Variants in VPS41 observed in about 807,000 individuals in gnomAD.
The protein encoded by VPS41 is vacuolar protein sorting-associated protein 41 homolog.
VPS41 carries 85 observed loss-of-function variants against 130.9 expected under a neutral mutation model. The ratio of observed to expected loss-of-function variants is 0.65; its 90% CI spans 0.55 to 0.78. The LOEUF is 0.78. Among genes scored for constraint, VPS41 ranks in the 30% least tolerant of loss-of-function variants. The pLI is 0.00. For missense variants in VPS41, 874 were observed against 1,018.7 expected (o/e 0.86, Z 1.93); for synonymous variants, 335 against 332.9 (o/e 1.01, Z -0.07).
chr7:38,834,207 G>C (rs928313199), intron 4 of VPS41, among the ~76,000 whole-genome samples: 1 of 152,040 alleles, frequency 6.6e-6, no homozygotes, highest in East Asian at 1.9e-4. Context: ...TTAATGGTAA[G>C]ATGTTGAGAG....
intron 18 of VPS41, 113 bp downstream of exon 18, chr7:38,758,241 G>T: frequency 1.0e-6 from 1 of 973,204 alleles, no homozygotes; most frequent in Non-Finnish European, 1.5e-6. Flanking sequence ...AAGAAGGAAT[G>T]TAGGAAAATG....
intron 2 of VPS41, among the ~76,000 whole-genome samples, chr7:38,894,149 T>C (rs1786928103): frequency 6.6e-6 from 1 of 152,060 alleles, no homozygotes; most frequent in Non-Finnish European, 1.5e-5. Context: ...AGTTTAACAG[T>C]TACAAAACAC....
At chr7:38,739,622 A>G (rs1795843972) in intron 25 of VPS41, among the ~76,000 whole-genome samples, 1 of 152,198 alleles carries the variant, frequency 6.6e-6, no homozygotes, top group African/African-American at 2.4e-5. Context: ...CTGCCCCCGG[A>G]GAGCATTTTC....
At chr7:38,770,072 CCAG>C (rs1367038227) in intron 14 of VPS41, among the ~76,000 whole-genome samples, 1 of 152,100 alleles carries the variant, frequency 6.6e-6, no homozygotes, top group African/African-American at 2.4e-5. Context: ...GAGTTCAAGA[CCAG>C]CCTGACCAAC....
At chr7:38,809,695 A>G (rs1052712296) in intron 7 of VPS41, among the ~76,000 whole-genome samples, 96 of 152,152 alleles carry the variant, frequency 6.3e-4, no homozygotes, top group African/African-American at 2.3e-3. Flanking sequence ...TTTCCAGCTT[A>G]CAAAGCAACT....
intron 7 of VPS41, among the ~76,000 whole-genome samples, chr7:38,802,482 T>C (rs973819629): frequency 9.2e-5 from 14 of 152,210 alleles, no homozygotes; most frequent in Non-Finnish European, 2.9e-5. Context: ...GAAACTCTCA[T>C]GCAGGATTTG....
intron 1 of VPS41, 117 bp from the exon 2 acceptor site, chr7:38,898,246 C>A: frequency 1.2e-6 from 1 of 800,164 alleles, no homozygotes. Flanking sequence ...GGAAGAGAAT[C>A]TACAACTATA....
chr7:38,795,322 G>A (rs1002725245), intron 9 of VPS41, 143 bp downstream of exon 9: 7 of 549,252 alleles, frequency 1.3e-5, no homozygotes, highest in Non-Finnish European at 2.1e-5. Context: ...GAAATAATTT[G>A]AGCATTAAAT....
chr7:38,777,512 CTATAAAA>C (rs1784281784), intron 10 of VPS41, among the ~76,000 whole-genome samples: 1 of 152,172 alleles, frequency 6.6e-6, no homozygotes, highest in African/African-American at 2.4e-5. Flanking sequence ...TTATTAGCTG[CTATAAAA>C]TATAAAAGAT....
chr7:38,803,792 A>G (rs942647956), intron 7 of VPS41, among the ~76,000 whole-genome samples: 15 of 152,204 alleles, frequency 9.9e-5, no homozygotes, highest in Non-Finnish European at 2.9e-5. Context: ...GGAGGCAGGA[A>G]TGAATGACCA....
intron 4 of VPS41, among the ~76,000 whole-genome samples, chr7:38,838,433 A>G (rs1278982485): frequency 1.3e-5 from 2 of 152,226 alleles, no homozygotes; most frequent in Non-Finnish European, 2.9e-5. Context: ...ACTGGCATAA[A>G]TGTGGGAAAG....
intron 4 of VPS41, among the ~76,000 whole-genome samples, chr7:38,858,430 T>C (rs1265602145): frequency 6.6e-6 from 1 of 152,126 alleles, no homozygotes; most frequent in African/African-American, 2.4e-5. Flanking sequence ...AAGAAGAGAA[T>C]ATAATGAGGC....
Position 38,769,773 on chromosome 7 carries a change from T to C in VPS41, c.1185+1425A>G, listed in dbSNP as rs574260139. On this transcript the variant is annotated intron_variant, in intron 14 of 28. Coordinates refer to ENST00000310301, the MANE Select transcript of VPS41 (RefSeq NM_014396.4). ...TCCTATTGATTCTGTGTAAGTCTCATGACCTTCCACCTGGATTAGGAAGCC... is the reference window on the plus strand; with the variant it reads ...TCCTATTGATTCTGTGTAAGTCTCACGACCTTCCACCTGGATTAGGAAGCC... Among the ~76,000 whole-genome samples the C allele has an allele frequency of 1.1e-4, 17 of 152,348 alleles. No homozygotes were observed. The South Asian group carries it at 3.3e-3, about 30-fold the overall frequency.
At chr7:38,843,238 A>G (rs1785648632) in intron 4 of VPS41, among the ~76,000 whole-genome samples, 1 of 152,186 alleles carries the variant, frequency 6.6e-6, no homozygotes, top group Non-Finnish European at 1.5e-5. Flanking sequence ...ACTCAACTGA[A>G]AAGATTTGAT....
At position 38,772,642 on chromosome 7, in the gene VPS41, A is replaced by G. The variant is rs568642202; in HGVS notation, c.1013-5T>C. On this transcript the variant is annotated splice_region_variant and splice_polypyrimidine_tract_variant and intron_variant, in intron 12 of 28. Transcript: ENST00000310301. ...GTGATTCCCCTTCAGAGTATTCTGT[A>G]GGTGAGAAAAGAGAGGAACGACTTG... The G allele has an allele frequency of 1.4e-4, 216 of 1,595,238 alleles. 2 individuals are homozygous for G. The South Asian group carries it at 2.2e-3, about 17-fold the overall frequency.
At chr7:38,757,693 G>T (rs1390741199) in intron 18 of VPS41, among the ~76,000 whole-genome samples, 2 of 152,118 alleles carry the variant, frequency 1.3e-5, no homozygotes, top group African/African-American at 4.8e-5. Context: ...AAAAAACAAG[G>T]GAGAGGAGTG....
At chr7:38,833,420 T>C (rs531779344) in intron 4 of VPS41, among the ~76,000 whole-genome samples, 1 of 152,324 alleles carries the variant, frequency 6.6e-6, no homozygotes, top group Admixed American at 6.5e-5. Flanking sequence ...TATCTGGCCT[T>C]TGCCCTCCCT....
chr7:38,800,386 A>T (rs1488040573), intron 7 of VPS41, among the ~76,000 whole-genome samples: 1 of 152,164 alleles, frequency 6.6e-6, no homozygotes, highest in Non-Finnish European at 1.5e-5. Flanking sequence ...ATGCGTGCTG[A>T]AATTTTATAT....
chr7:38,775,464 C>T (rs12112381), intron 11 of VPS41: 4,837 of 152,038 alleles, frequency 0.032, 252 homozygotes, highest in African/African-American at 0.11. Flanking sequence ...TCTCCTTTTT[C>T]GTTTTACTGC....
Sources: allele counts gnomAD v4.1 joint callset (sites outside exome capture counted in the v4.1 genomes callset), GRCh38; gene constraint gnomAD v4.1.1; transcripts MANE v1.5; gene names NCBI Gene and HGNC (gene_info 2026-07-23, HGNC 2026-07-21).